Variants in SYT6 observed in about 807,000 individuals in gnomAD.
The protein encoded by SYT6 is synaptotagmin-6.
A neutral mutation model predicts 38.4 loss-of-function variants in SYT6; 24 were observed. That is an observed-to-expected ratio of 0.62 (90% CI 0.45 to 0.88). The LOEUF (loss-of-function observed/expected upper bound fraction) is 0.88, where lower values mean the gene tolerates loss of function less well. Among genes scored for constraint, SYT6 ranks in the 40% least tolerant of loss-of-function variants. The pLI, the probability that SYT6 is intolerant of heterozygous loss-of-function variation, is 0.00. For missense variants in SYT6, 611 were observed against 621.0 expected (o/e 0.98, Z 0.17); for synonymous variants, 265 against 241.9 (o/e 1.10, Z -0.89).
chr1:114,149,393 G>C (rs562225), intron 1 of SYT6, among the ~76,000 whole-genome samples: 108,211 of 149,992 alleles, frequency 0.72, 39,516 homozygotes, highest in Middle Eastern at 0.85. Context: ...TGCTTCCTTT[G>C]CTTCTTTCAG....
At chr1:114,132,185 G>A (rs1351096402) in intron 3 of SYT6, among the ~76,000 whole-genome samples, 3 of 152,218 alleles carry the variant, frequency 2.0e-5, no homozygotes, top group Non-Finnish European at 2.9e-5. Flanking sequence ...AATAAGTAAT[G>A]ACCAGCGCAT....
intron 3 of SYT6, among the ~76,000 whole-genome samples, chr1:114,117,216 G>T (rs1362608822): frequency 2.0e-5 from 3 of 152,204 alleles, no homozygotes; most frequent in Admixed American, 2.0e-4. Context: ...TGCTTGAGGT[G>T]GCTACCTGTG....
intron 6 of SYT6, among the ~76,000 whole-genome samples, chr1:114,094,364 G>A (rs1205069708): frequency 6.6e-6 from 1 of 152,172 alleles, no homozygotes; most frequent in Non-Finnish European, 1.5e-5. Context: ...AATGGGTCAC[G>A]TTCCAACAGA....
intron 1 of SYT6, among the ~76,000 whole-genome samples, chr1:114,146,060 G>A (rs994033545): frequency 6.6e-6 from 1 of 152,138 alleles, no homozygotes; most frequent in Non-Finnish European, 1.5e-5. Flanking sequence ...ATGAGACCAG[G>A]AGGCCCGTCC....
chr1:114,106,317 G>C (rs1557737004), intron 3 of SYT6, among the ~76,000 whole-genome samples: 1 of 151,954 alleles, frequency 6.6e-6, no homozygotes, highest in African/African-American at 2.4e-5. Context: ...AGATTATCTC[G>C]GTGAGTCTTA....
rs1675229853 is a variant in SYT6, at chr1:114,090,337, C to A, written c.*1797G>T. ...AGAAAAGTCATCTTTACACATGAGT[C>A]CCTAGCCTAAGGCTCAGTACAGGGT... On this transcript the variant is annotated 3_prime_UTR_variant, in exon 8 of 8. Coordinates refer to ENST00000610222, the MANE Select transcript of SYT6 (RefSeq NM_001253772.2). The A allele has an allele frequency of 6.6e-6, 1 of 152,362 alleles. No individual in the cohort carries two copies. Among genetic ancestry groups the A allele is most frequent in the Non-Finnish European group, 1.5e-5 (1 of 68,044 alleles). 9.4% of individuals were successfully genotyped at this position (152,362 alleles called of 1,614,324 possible).
At chr1:114,102,407 G>A (rs944918879) in intron 4 of SYT6, among the ~76,000 whole-genome samples, 1 of 152,066 alleles carries the variant, frequency 6.6e-6, no homozygotes, top group African/African-American at 2.4e-5. Context: ...ACCTTGTCCT[G>A]AAACTTCAGT....
rs759298495 is a variant in SYT6 at position 114,138,009 on chromosome 1, G to C, written c.557C>G (p.Ser186Cys). ...AAGCTCATTGCCATAGTCTACACTGGAGACATGCATCTGCCTTGGCAGGTG... is the reference window on the plus strand; with the variant it reads ...AAGCTCATTGCCATAGTCTACACTGCAGACATGCATCTGCCTTGGCAGGTG... ...KRHLPRQMHVSSVDYGNELPP... is the reference protein window; with the variant it reads ...KRHLPRQMHVCSVDYGNELPP... The change falls in exon 3 of 8, where the codon TCC becomes TGC. Residue 186 changes from serine to cysteine, a missense_variant. By Grantham distance (112) the Ser-to-Cys change is moderately radical. Coordinates refer to ENST00000610222, the MANE Select transcript of SYT6 (RefSeq NM_001253772.2). 1.2e-6 allele frequency: 2 copies of C among 1,613,898 alleles called. No individual in the cohort carries two copies. The highest frequency in any genetic ancestry group is 2.7e-5 in the African/African-American group (2 of 74,872).
intron 3 of SYT6, among the ~76,000 whole-genome samples, chr1:114,136,422 G>A (rs1179329014): frequency 1.3e-5 from 2 of 152,202 alleles, no homozygotes; most frequent in Admixed American, 6.5e-5. Context: ...GAGCTTGGAG[G>A]GAATGCCCCC....
Position 114,146,656 on chromosome 1 carries a change from A to G in SYT6, c.164-6693T>C, listed in dbSNP as rs187463390. 1.5e-3 allele frequency among the ~76,000 whole-genome samples: 225 copies of G among 152,338 alleles called. 1 individual carries two copies. Among genetic ancestry groups the G allele is most frequent in the African/African-American group, 4.9e-3 (202 of 41,596 alleles). Reference sequence around the variant, plus strand: ...CAGTAAGGGAGAGAGGGCTCAGCCCAGCACTGAAAAAGAGAAAGTACCTCC... The same window carrying G: ...CAGTAAGGGAGAGAGGGCTCAGCCCGGCACTGAAAAAGAGAAAGTACCTCC... On this transcript the variant is annotated intron_variant, in intron 1 of 7. Coordinates refer to ENST00000610222, the MANE Select transcript of SYT6 (RefSeq NM_001253772.2).
At chr1:114,153,455 A>C (rs1259418063) in intron 1 of SYT6, among the ~76,000 whole-genome samples, 155 bp downstream of exon 1, 5 of 152,186 alleles carry the variant, frequency 3.3e-5, no homozygotes, top group Non-Finnish European at 7.4e-5. Flanking sequence ...TGTGCAAGCG[A>C]TGGGCCAGAG....
intron 3 of SYT6, among the ~76,000 whole-genome samples, chr1:114,129,635 TTCTTTCTC>T (rs1678012263): frequency 1.4e-5 from 2 of 140,996 alleles, no homozygotes; most frequent in Admixed American, 7.6e-5. Context: ...CTTTCTTTCT[TTCTTTCTC>T]TTTCTTTCTT....
chr1:114,138,706 A>G (rs374411724), intron 2 of SYT6, among the ~76,000 whole-genome samples: 2 of 152,266 alleles, frequency 1.3e-5, no homozygotes, highest in Non-Finnish European at 2.9e-5. Flanking sequence ...AAGCATAATC[A>G]TAAGCAATAT....
intron 1 of SYT6, among the ~76,000 whole-genome samples, chr1:114,148,779 C>G (rs946264424): frequency 6.6e-6 from 1 of 152,072 alleles, no homozygotes; most frequent in African/African-American, 2.4e-5. Flanking sequence ...TGGTATACAC[C>G]CTTAAAGATA....
At chr1:114,115,479 C>T (rs185869376) in intron 3 of SYT6, among the ~76,000 whole-genome samples, 6 of 150,264 alleles carry the variant, frequency 4.0e-5, no homozygotes, top group Non-Finnish European at 7.4e-5. Flanking sequence ...TGCAGTGGTG[C>T]GATCTCGGCT....
In SYT6 at chr1:114,093,724, C is replaced by G; in HGVS notation, c.*51+11G>C. 3.1e-6 allele frequency: 5 copies of G among 1,612,972 alleles called. No homozygotes were observed. Among genetic ancestry groups the G allele is most frequent in the Non-Finnish European group, 2.5e-6 (3 of 1,179,480 alleles). On this transcript the variant is annotated intron_variant, in intron 7 of 7. Transcript: ENST00000610222. ...CAACCTAACGTCTTTGGGTCCACAC[C>G]AGGTACTTACTCCTAACTCCAGGTG...
intron 3 of SYT6, among the ~76,000 whole-genome samples, chr1:114,131,996 C>T (rs542652302): frequency 6.6e-6 from 1 of 152,308 alleles, no homozygotes; most frequent in South Asian, 2.1e-4. Context: ...TTCCCTCTGG[C>T]GGTGCAAGGA....
intron 6 of SYT6, among the ~76,000 whole-genome samples, chr1:114,095,211 T>C (rs998305821): frequency 2.0e-5 from 3 of 152,250 alleles, no homozygotes; most frequent in Non-Finnish European, 4.4e-5. Context: ...TTGTTTTCCA[T>C]ATACTGTTAC....
At chr1:114,118,452 C>T (rs1394984791) in intron 3 of SYT6, among the ~76,000 whole-genome samples, 3 of 152,204 alleles carry the variant, frequency 2.0e-5, no homozygotes, top group Non-Finnish European at 2.9e-5. Context: ...TGCCAGGGGT[C>T]GCCTGAGTGC....
Sources: allele counts gnomAD v4.1 joint callset (sites outside exome capture counted in the v4.1 genomes callset), GRCh38; gene constraint gnomAD v4.1.1; transcripts MANE v1.5; gene names NCBI Gene and HGNC (gene_info 2026-07-23, HGNC 2026-07-21).